Variants in SLC4A4 observed in about 807,000 individuals in gnomAD.
SLC4A4 encodes the protein solute carrier family 4 member 4.
A neutral mutation model predicts 111.5 loss-of-function variants in SLC4A4; 27 were observed. That is an observed-to-expected ratio of 0.24 (90% CI 0.18 to 0.33). SLC4A4 has a LOEUF of 0.33. Among genes scored for constraint, SLC4A4 ranks in the 10% least tolerant of loss-of-function variants. SLC4A4 has a pLI of 1.00. For synonymous variants in SLC4A4, 443 were observed against 463.4 expected (o/e 0.96, Z 0.57); for missense variants, 909 against 1,315.5 (o/e 0.69, Z 4.78).
intron 2 of SLC4A4, among the ~76,000 whole-genome samples, chr4:71,138,770 C>T: frequency 6.6e-6 from 1 of 152,030 alleles, no homozygotes; most frequent in Non-Finnish European, 1.5e-5. Context: ...GGCGCGGTGG[C>T]TCACGCCTGT....
At chr4:71,452,594 G>T (rs1171673115) in intron 11 of SLC4A4, among the ~76,000 whole-genome samples, 1 of 152,146 alleles carries the variant, frequency 6.6e-6, no homozygotes, top group African/African-American at 2.4e-5. Flanking sequence ...GCAAGGTCAA[G>T]ACTTCGGAGA....
chr4:71,236,183 C>G, intron 1 of SLC4A4: 9 of 1,055,378 alleles, frequency 8.5e-6, no homozygotes, highest in Non-Finnish European at 1.0e-5. Context: ...GCTGGATTTC[C>G]ACAAACGATC....
intron 2 of SLC4A4, among the ~76,000 whole-genome samples, chr4:71,144,544 G>T (rs1480359802): frequency 6.6e-6 from 1 of 151,688 alleles, no homozygotes; most frequent in African/African-American, 2.4e-5. Context: ...GGGCAGTATG[G>T]CCATTTTCAC....
At chr4:71,520,843 T>G (rs543909517) in intron 16 of SLC4A4, among the ~76,000 whole-genome samples, 27 of 152,214 alleles carry the variant, frequency 1.8e-4, no homozygotes, top group African/African-American at 5.3e-4. Flanking sequence ...TATTTCTTTT[T>G]TTTGGGGGGG....
chr4:71,335,053 CAG>C (rs1028549372), intron 3 of SLC4A4, among the ~76,000 whole-genome samples: 8 of 152,014 alleles, frequency 5.3e-5, no homozygotes, highest in Non-Finnish European at 1.2e-4. Flanking sequence ...GGAACAGACA[CAG>C]GGGCCTACGT....
At chr4:71,241,027 G>C (rs975297323) in intron 2 of SLC4A4, among the ~76,000 whole-genome samples, 1 of 152,102 alleles carries the variant, frequency 6.6e-6, no homozygotes, top group Non-Finnish European at 1.5e-5. Context: ...GTTGAGGTGG[G>C]AGAATCGTTT....
chr4:71,480,863 A>C (rs907256252), intron 14 of SLC4A4, among the ~76,000 whole-genome samples: 1 of 151,748 alleles, frequency 6.6e-6, no homozygotes, highest in Non-Finnish European at 1.5e-5. Context: ...CAGACATTTT[A>C]CTAGGGGATT....
intron 4 of SLC4A4, among the ~76,000 whole-genome samples, chr4:71,346,667 G>GTTTTTAT (rs1729359782): frequency 6.6e-6 from 1 of 151,608 alleles, no homozygotes; most frequent in South Asian, 2.1e-4. Context: ...TTCAGTTTTT[G>GTTTTTAT]TTTTTATTTT....
At chr4:71,412,559 C>A (rs897586479) in intron 7 of SLC4A4, among the ~76,000 whole-genome samples, 3 of 152,258 alleles carry the variant, frequency 2.0e-5, no homozygotes, top group Non-Finnish European at 4.4e-5. Flanking sequence ...TATATATGAA[C>A]TTTTTAAAGT....
intron 9 of SLC4A4, among the ~76,000 whole-genome samples, 152 bp from the exon 10 acceptor site, chr4:71,450,236 CG>C (rs978632134): frequency 1.3e-5 from 2 of 152,074 alleles, no homozygotes; most frequent in African/African-American, 4.8e-5. Context: ...CCTATATTTT[CG>C]GGGGGCAGGC....
intron 7 of SLC4A4, among the ~76,000 whole-genome samples, chr4:71,430,152 G>C (rs1256786420): frequency 6.6e-6 from 1 of 152,026 alleles, no homozygotes; most frequent in African/African-American, 2.4e-5. Context: ...GGTGTGATTG[G>C]TGTGTCTTGT....
intron 7 of SLC4A4, among the ~76,000 whole-genome samples, chr4:71,427,716 GT>G (rs1477298973): frequency 2.0e-5 from 3 of 152,054 alleles, no homozygotes; most frequent in Non-Finnish European, 4.4e-5. Flanking sequence ...TGGCATTTGG[GT>G]TAGGGGCAGG....
chr4:71,431,370 G>A (rs1723633158), intron 7 of SLC4A4, among the ~76,000 whole-genome samples: 1 of 152,088 alleles, frequency 6.6e-6, no homozygotes, highest in Non-Finnish European at 1.5e-5. Flanking sequence ...AGGAAGTGAA[G>A]GAGGGAGCCC....
upstream of SLC4A4, among the ~76,000 whole-genome samples, chr4:71,182,755 T>C (rs1338587915): frequency 6.6e-6 from 1 of 151,466 alleles, no homozygotes; most frequent in African/African-American, 2.4e-5. Flanking sequence ...CTCTCTCACA[T>C]TATGAGAGTC....
chr4:71,294,451 G>A (rs1420421604), intron 3 of SLC4A4, among the ~76,000 whole-genome samples: 1 of 152,222 alleles, frequency 6.6e-6, no homozygotes, highest in Non-Finnish European at 1.5e-5. Flanking sequence ...GGGGAAGAAC[G>A]TATGTCTACA....
intron 5 of SLC4A4, among the ~76,000 whole-genome samples, chr4:71,352,164 C>T (rs1434261640): frequency 6.6e-6 from 1 of 152,152 alleles, no homozygotes; most frequent in Non-Finnish European, 1.5e-5. Flanking sequence ...AACAATCAAT[C>T]CAGTTTTTGA....
chr4:71,086,764 C>T (rs990418611), intron 1 of SLC4A4, among the ~76,000 whole-genome samples: 7 of 151,998 alleles, frequency 4.6e-5, no homozygotes, highest in African/African-American at 1.5e-4. Context: ...CCCACTTGAT[C>T]GTGGTAGATA....
In SLC4A4 at chr4:71,453,673, G is replaced by A; in HGVS notation, c.1497+4G>A. 6.2e-7 allele frequency: 1 copy of A among 1,613,648 alleles called. No individual in the cohort carries two copies. The highest frequency in any genetic ancestry group is 1.7e-5 in the Admixed American group (1 of 59,954). ...GGATGCCACTGACAACATGCAGGTGGGTATGGTTTTGAGGAGGACACAAAT... is the reference window on the plus strand; with the variant it reads ...GGATGCCACTGACAACATGCAGGTGAGTATGGTTTTGAGGAGGACACAAAT... On this transcript the variant is annotated splice_donor_region_variant and intron_variant, in intron 12 of 25. Transcript: ENST00000264485.
At chr4:71,471,260 A>C (rs1349956334) in intron 13 of SLC4A4, among the ~76,000 whole-genome samples, 1 of 151,948 alleles carries the variant, frequency 6.6e-6, no homozygotes, top group East Asian at 1.9e-4. Context: ...GCACTGTGCT[A>C]GGTAAAGAAT....
Sources: gnomAD v4.1 joint callset for allele counts (sites outside exome capture counted in the v4.1 genomes callset) on GRCh38, gnomAD v4.1.1 for gene constraint, MANE v1.5 for transcripts, NCBI Gene and HGNC (gene_info 2026-07-23, HGNC 2026-07-21) for gene names.